Variants in NF2 observed in about 807,000 individuals in gnomAD.
NF2 encodes the protein merlin.
NF2 carries 8 observed loss-of-function variants against 83.7 expected under a neutral mutation model. The ratio of observed to expected loss-of-function variants is 0.10; its 90% CI spans 0.06 to 0.17. The LOEUF is 0.17. Ranked by LOEUF, NF2 falls within the 10% of genes least tolerant of loss-of-function variation. The probability of loss-of-function intolerance (pLI) is 1.00; values close to 1 mark genes in which losing one functional copy is unlikely to be tolerated. For synonymous variants in NF2, 266 were observed against 269.6 expected (o/e 0.99, Z 0.13); for missense variants, 533 against 744.4 (o/e 0.72, Z 3.31).
intron 8 of NF2, among the ~76,000 whole-genome samples, chr22:29,664,070 A>G (rs2066548347): frequency 6.6e-6 from 1 of 152,184 alleles, no homozygotes; most frequent in African/African-American, 2.4e-5. Context: ...CATGTTCAGA[A>G]ACCTGTGGTG....
chr22:29,633,140 G>A (rs1280774716), intron 1 of NF2, among the ~76,000 whole-genome samples: 1 of 152,186 alleles, frequency 6.6e-6, no homozygotes, highest in Admixed American at 6.6e-5. Context: ...GTTGAGGTTA[G>A]ATTTAACCAA....
In NF2 at chr22:29,681,494, A is replaced by T. The variant is rs762953921; in HGVS notation, c.1630A>T (p.Thr544Ser). 6.2e-7 allele frequency: 1 copy of T among 1,614,148 alleles called. No homozygotes were observed. Among genetic ancestry groups the T allele is most frequent in the Non-Finnish European group, 8.5e-7 (1 of 1,180,032 alleles). The change falls in exon 15 of 16, where the codon ACA (threonine) becomes TCA (serine). Residue 544 changes from threonine (T) to serine (S), a missense_variant. By Grantham distance (58) the Thr-to-Ser change is moderately conservative (BLOSUM62 1). Coordinates refer to ENST00000338641, the MANE Select transcript of NF2 (RefSeq NM_000268.4). ...HLQEQLNELK[T>S]EIEALKLKER... The stretch of plus-strand genomic sequence containing the variant: ...GCAGGAGCAGCTCAATGAACTCAAG[A>T]CAGAAATCGAGGCCTTGAAACTGAA...
Position 29,693,608 on chromosome 22 carries a change from G to A in NF2, c.1738-1144G>A, listed in dbSNP as rs1449439542. Among the ~76,000 whole-genome samples the A allele has an allele frequency of 2.6e-5, 4 of 152,234 alleles. 1 individual carries two copies. Among genetic ancestry groups the A allele is most frequent in the Non-Finnish European group, 5.9e-5 (4 of 68,050 alleles). ...CCCATGGCAACCTCCAGAGGAAAGAGGCTCAGAGAGGTCAGGGGTGTCTGC... is the reference window on the plus strand; with the variant it reads ...CCCATGGCAACCTCCAGAGGAAAGAAGCTCAGAGAGGTCAGGGGTGTCTGC... On this transcript the variant is annotated intron_variant, in intron 15 of 15. Coordinates refer to ENST00000338641, the MANE Select transcript of NF2 (RefSeq NM_000268.4).
At chr22:29,662,247 A>G (rs1458831925) in intron 8 of NF2, among the ~76,000 whole-genome samples, 1 of 152,008 alleles carries the variant, frequency 6.6e-6, no homozygotes, top group Non-Finnish European at 1.5e-5. Context: ...TGATCCTCTC[A>G]CCTCAGCCTC....
At chr22:29,658,874 G>A (rs1195686320) in intron 7 of NF2, among the ~76,000 whole-genome samples, 2 of 152,064 alleles carry the variant, frequency 1.3e-5, no homozygotes, top group Non-Finnish European at 2.9e-5. Flanking sequence ...CTTACAAAGG[G>A]ATGCATGCGA....
intron 1 of NF2, among the ~76,000 whole-genome samples, chr22:29,606,487 G>T (rs1445325444): frequency 6.6e-6 from 1 of 152,222 alleles, no homozygotes; most frequent in Non-Finnish European, 1.5e-5. Context: ...CCAGAGCCTT[G>T]GCTCCGGGAT....
At chr22:29,689,441 G>A (rs1311987117) in intron 15 of NF2, among the ~76,000 whole-genome samples, 15 of 151,926 alleles carry the variant, frequency 9.9e-5, no homozygotes, top group South Asian at 8.3e-4. Context: ...CCGCTCCTTC[G>A]TTTTCAATAT....
At chr22:29,666,925 G>A (rs1016162642) in intron 9 of NF2, among the ~76,000 whole-genome samples, 3 of 151,948 alleles carry the variant, frequency 2.0e-5, no homozygotes, top group African/African-American at 2.4e-5. Context: ...GCAGTGAGCC[G>A]AGATCATGCC....
chr22:29,676,027 T>C (rs2066952013), intron 13 of NF2, among the ~76,000 whole-genome samples: 1 of 152,144 alleles, frequency 6.6e-6, no homozygotes, highest in African/African-American at 2.4e-5. Context: ...GGTGGCTTGT[T>C]GGGTTGACTG....
intron 1 of NF2, among the ~76,000 whole-genome samples, chr22:29,622,984 G>T (rs1288327228): frequency 3.0e-5 from 4 of 132,814 alleles, no homozygotes; most frequent in Admixed American, 7.8e-5. Context: ...TTCGAGATGG[G>T]GTCTCACTCA....
At position 29,638,420 on chromosome 22, in the gene NF2, G is replaced by T. The variant is rs540633216; in HGVS notation, c.241-670G>T. ...GGCTGCAGTACAATGACGCAGTCTC[G>T]GCTCACTGCAACCTCTACCTCCTGG... On this transcript the variant is annotated intron_variant, in intron 2 of 15. Transcript: ENST00000338641. Among the ~76,000 whole-genome samples the T allele has an allele frequency of 7.3e-5, 11 of 150,790 alleles. 1 individual carries two copies. Among genetic ancestry groups the T allele is most frequent in the Non-Finnish European group, 1.6e-4 (11 of 67,858 alleles).
At chr22:29,634,940 A>C (rs547496528) in intron 1 of NF2, among the ~76,000 whole-genome samples, 1 of 152,258 alleles carries the variant, frequency 6.6e-6, no homozygotes, top group Non-Finnish European at 1.5e-5. Flanking sequence ...TTCTCAAAAT[A>C]ATCCCTAAAG....
chr22:29,689,310 A>G (rs1045376551), intron 15 of NF2, among the ~76,000 whole-genome samples: 1 of 151,996 alleles, frequency 6.6e-6, no homozygotes, highest in African/African-American at 2.4e-5. Context: ...CCCCAAACCA[A>G]AGATTCTTTT....
At position 29,661,252 on chromosome 22, in the gene NF2, T is replaced by C. The variant is rs2147008894; in HGVS notation, c.723T>C (p.Leu241=). Residue 241 remains leucine, a synonymous_variant, in exon 8 of 16, where the codon CTT becomes CTC. Transcript: ENST00000338641. ...ELLLGVDALG[L]HIYDPENRLT... is the part of the protein sequence containing the mutation. ...TGCTTGGAGTGGATGCCCTGGGGCT[T>C]CACATTTATGACCCTGAGAACAGAC... The C allele has an allele frequency of 6.2e-7, 1 of 1,614,236 alleles. No individual in the cohort carries two copies. The highest frequency in any genetic ancestry group is 8.5e-7 in the Non-Finnish European group (1 of 1,180,048).
chr22:29,611,510 CAG>C (rs1601531208), intron 1 of NF2, among the ~76,000 whole-genome samples: 2 of 152,048 alleles, frequency 1.3e-5, no homozygotes, highest in East Asian at 3.8e-4. Context: ...GGCTGGGCGA[CAG>C]AGCTCAAAAC....
chr22:29,604,433 G>T lies in NF2; in HGVS notation c.114+321G>T, dbSNP rs546620626. 5.9e-5 allele frequency among the ~76,000 whole-genome samples: 9 copies of T among 152,122 alleles called. No individual in the cohort carries two copies. In the East Asian group the frequency reaches 1.2e-3, roughly 20 times the overall value. ...GTTTATTCTTTCATTAGGTAATATTGTTATGTACCCAGGTATTAGAAGTTG... is the reference window on the plus strand; with the variant it reads ...GTTTATTCTTTCATTAGGTAATATTTTTATGTACCCAGGTATTAGAAGTTG... On this transcript the variant is annotated intron_variant, in intron 1 of 15. Transcript: ENST00000338641.
At chr22:29,604,281 T>C (rs1268582704) in intron 1 of NF2, among the ~76,000 whole-genome samples, 169 bp downstream of exon 1, 2 of 152,230 alleles carry the variant, frequency 1.3e-5, no homozygotes, top group Non-Finnish European at 1.5e-5. Context: ...ATAGGACTTT[T>C]GGGTTTTGGC....
chr22:29,695,320 A>C lies in NF2; in HGVS notation c.*518A>C. 1 of 273,956 alleles carries C rather than the reference A, an allele frequency of 3.7e-6. No homozygotes were observed. The highest frequency in any genetic ancestry group is 7.1e-6 in the Non-Finnish European group (1 of 141,338). The allele number at this position is 273,956 out of a possible 1,614,324, so 17.0% of individuals were successfully genotyped here. A position where few individuals can be genotyped will look rare whatever the true frequency, so the allele number is the denominator to read the frequency against. On this transcript the variant is annotated 3_prime_UTR_variant, in exon 16 of 16. Transcript: ENST00000338641. This position sits in a 1 kb window ranked among gnomAD's most constrained non-coding sequence, Gnocchi z 5.4. ...GCACGCCTGCCGGCTTCTCATCGTC[A>C]GGGAGCCCGCCCAGAGCTCGTGACG...
At chr22:29,613,240 GACA>G (rs2146714830) in intron 1 of NF2, among the ~76,000 whole-genome samples, 1 of 151,138 alleles carries the variant, frequency 6.6e-6, no homozygotes, top group African/African-American at 2.4e-5. Flanking sequence ...AACTAATCAA[GACA>G]ACGTCACCAG....
Sources: allele counts gnomAD v4.1 joint callset (sites outside exome capture counted in the v4.1 genomes callset), GRCh38; gene constraint gnomAD v4.1.1; non-coding constraint Gnocchi (gnomAD v3.1); transcripts MANE v1.5; gene names NCBI Gene and HGNC (gene_info 2026-07-23, HGNC 2026-07-21).